Variants in TMEM135 observed in about 807,000 individuals in gnomAD.
The protein encoded by TMEM135 is peroxisomal membrane protein 52.
Under a neutral mutation model 60.3 loss-of-function variants are expected in TMEM135, and 30 were observed. The observed-to-expected ratio is 0.50, with a 90% CI of 0.37 to 0.68. The LOEUF is 0.68. Ranked by LOEUF, TMEM135 falls within the 30% of genes least tolerant of loss-of-function variation. TMEM135 has a pLI of 0.00. For synonymous variants in TMEM135, 190 were observed against 186.7 expected (o/e 1.02, Z -0.14); for missense variants, 468 against 548.8 (o/e 0.85, Z 1.47).
At chr11:87,274,677 T>C (rs1941934074) in intron 6 of TMEM135, among the ~76,000 whole-genome samples, 1 of 151,972 alleles carries the variant, frequency 6.6e-6, no homozygotes, top group Admixed American at 6.6e-5. Context: ...AAATATCATT[T>C]GAGCCAGGTG....
chr11:87,191,987 C>CTTTTTTTTTTTTTTTTTTTTTTTCTT (rs200969171), intron 5 of TMEM135, among the ~76,000 whole-genome samples: 1 of 77,188 alleles, frequency 1.3e-5, no homozygotes, highest in Admixed American at 1.7e-4. Context: ...CTTTTCTTTT[C>CTTTTTTTTTTTTTTTTTTTTTTTCTT]TTTTTTTTTT....
chr11:87,243,826 A>G (rs1220872565), intron 6 of TMEM135, among the ~76,000 whole-genome samples: 1 of 81,670 alleles, frequency 1.2e-5, no homozygotes, highest in East Asian at 2.2e-4. Flanking sequence ...TCTTTTCCTA[A>G]TTGAATACCC....
At chr11:87,148,001 C>T (rs1271217170) in intron 4 of TMEM135, among the ~76,000 whole-genome samples, 1 of 152,130 alleles carries the variant, frequency 6.6e-6, no homozygotes, top group African/African-American at 2.4e-5. Flanking sequence ...TGAGATCTGC[C>T]CGCTTCAGTC....
intron 4 of TMEM135, among the ~76,000 whole-genome samples, chr11:87,131,207 T>C (rs984326804): frequency 2.6e-5 from 4 of 152,236 alleles, no homozygotes; most frequent in Non-Finnish European, 4.4e-5. Context: ...TATTGATGCC[T>C]TATTATTAAT....
chr11:87,211,119 C>G lies in TMEM135; in HGVS notation c.463-25519C>G, dbSNP rs559220602. Reference sequence around the variant, plus strand: ...GATACCTACTCTTACCGCTCCTATTCAATGTACTTCGATTTTATAAATTTA... The same window carrying G: ...GATACCTACTCTTACCGCTCCTATTGAATGTACTTCGATTTTATAAATTTA... On this transcript the variant is annotated intron_variant, in intron 5 of 14. Transcript: ENST00000305494. Among the ~76,000 whole-genome samples the G allele has an allele frequency of 2.2e-4, 33 of 152,234 alleles. No individual in the cohort carries two copies. The East Asian group carries it at 6.2e-3, about 29-fold the overall frequency.
chr11:87,085,291 G>A (rs1704003308), intron 3 of TMEM135, among the ~76,000 whole-genome samples: 1 of 152,188 alleles, frequency 6.6e-6, no homozygotes, highest in Non-Finnish European at 1.5e-5. Context: ...TTAAGGAGGT[G>A]ATTTGGGGAA....
chr11:87,172,756 G>A (rs151084669), intron 5 of TMEM135, among the ~76,000 whole-genome samples: 2 of 151,898 alleles, frequency 1.3e-5, no homozygotes, highest in East Asian at 3.9e-4. Context: ...TTATGGATTT[G>A]TATGGATAAT....
At chr11:87,041,740 A>G (rs1220122526) in intron 1 of TMEM135, among the ~76,000 whole-genome samples, 2 of 152,220 alleles carry the variant, frequency 1.3e-5, no homozygotes, top group East Asian at 3.8e-4. Flanking sequence ...ATATGTCTAA[A>G]TGAGTGAAGG....
At chr11:87,124,811 C>T (rs1341446763) in intron 4 of TMEM135, among the ~76,000 whole-genome samples, 1 of 151,988 alleles carries the variant, frequency 6.6e-6, no homozygotes, top group African/African-American at 2.4e-5. Context: ...CTCCTTTTTC[C>T]CCTCTATGCC....
rs376352354 is a variant in TMEM135, at chr11:87,251,775, G to A, written c.509+15091G>A. Among the ~76,000 whole-genome samples, 5 of 152,260 alleles carry A rather than the reference G, an allele frequency of 3.3e-5. No individual in the cohort carries two copies. The East Asian group carries it at 5.8e-4, about 18-fold the overall frequency. ...GTGAGAAAAAACACTGAACTAAAAC[G>A]CGTGAGCACCTAGAACAGTGACTGA... On this transcript the variant is annotated intron_variant, in intron 6 of 14. Transcript: ENST00000305494.
At chr11:87,229,346 G>A (rs1488709870) in intron 5 of TMEM135, among the ~76,000 whole-genome samples, 1 of 151,936 alleles carries the variant, frequency 6.6e-6, no homozygotes, top group Non-Finnish European at 1.5e-5. Context: ...ACAAACAAAA[G>A]GATTATAAAC....
intron 5 of TMEM135, among the ~76,000 whole-genome samples, chr11:87,210,767 C>T (rs1940350664): frequency 6.6e-6 from 1 of 152,040 alleles, no homozygotes; most frequent in Non-Finnish European, 1.5e-5. Flanking sequence ...ACTAGTAAAA[C>T]GAATCCAGCA....
At chr11:87,221,009 T>TA (rs568253133) in intron 5 of TMEM135, among the ~76,000 whole-genome samples, 131 of 152,066 alleles carry the variant, frequency 8.6e-4, no homozygotes, top group Admixed American at 2.7e-3. Flanking sequence ...CTATTGCTAC[T>TA]AAAAAAAAGA....
At chr11:87,074,676 G>T (rs968419611) in intron 3 of TMEM135, among the ~76,000 whole-genome samples, 1 of 152,084 alleles carries the variant, frequency 6.6e-6, no homozygotes, top group African/African-American at 2.4e-5. Flanking sequence ...GTGAATGTGT[G>T]TTTTTTCTAT....
intron 5 of TMEM135, among the ~76,000 whole-genome samples, chr11:87,222,575 G>GGGCGGATCACCTGAGGTC: frequency 6.6e-6 from 1 of 151,614 alleles, no homozygotes; most frequent in African/African-American, 2.4e-5. Context: ...AGGCTGAGGC[G>GGGCGGATCACCTGAGGTC]GGCGGATCAC....
rs1313436501 is a variant in TMEM135, at chr11:87,192,007, G to A, written c.462+34601G>A. Among the ~76,000 whole-genome samples the A allele has an allele frequency of 8.5e-5, 3 of 35,184 alleles. No homozygotes were observed. In the Admixed American group the frequency reaches 1.3e-3, roughly 15 times the overall value. The allele number at this position is 35,184 out of a possible 152,430, so 23.1% of individuals were successfully genotyped here. On this transcript the variant is annotated intron_variant, in intron 5 of 14. Coordinates refer to ENST00000305494, the MANE Select transcript of TMEM135 (RefSeq NM_022918.4). ...CTTTTCTTTTTTTTTTTTTTTTTTC[G>A]AGATGGAGTCTTGCTCCAGGCTGGA...
At chr11:87,247,871 A>G (rs1381812434) in intron 6 of TMEM135, among the ~76,000 whole-genome samples, 1 of 151,790 alleles carries the variant, frequency 6.6e-6, no homozygotes, top group Non-Finnish European at 1.5e-5. Context: ...ACTGTACTGC[A>G]CCCACTCTCT....
In TMEM135 at chr11:87,164,565, A is replaced by G. The variant is rs1434434372; in HGVS notation, c.462+7159A>G. 2.5e-5 allele frequency among the ~76,000 whole-genome samples: 2 copies of G among 79,540 alleles called. 1 individual carries two copies. The highest frequency in any genetic ancestry group is 4.5e-5 in the Non-Finnish European group (2 of 44,776). The allele number at this position is 79,540 out of a possible 152,430, so 52.2% of individuals were successfully genotyped here. On this transcript the variant is annotated intron_variant, in intron 5 of 14. Coordinates refer to ENST00000305494, the MANE Select transcript of TMEM135 (RefSeq NM_022918.4). ...ATGAACTTTAAAGTAGTTTTTTCCA[A>G]TTCTGTGAAGAAAGGCATTGGTAGC...
intron 3 of TMEM135, among the ~76,000 whole-genome samples, chr11:87,072,729 T>C (rs1056328227): frequency 6.6e-6 from 1 of 152,182 alleles, no homozygotes; most frequent in African/African-American, 2.4e-5. Flanking sequence ...TTTATTGTTA[T>C]CAGCCTGAAA....
Sources: gnomAD v4.1 joint callset for allele counts (sites outside exome capture counted in the v4.1 genomes callset) on GRCh38, gnomAD v4.1.1 for gene constraint, MANE v1.5 for transcripts, NCBI Gene and HGNC (gene_info 2026-07-23, HGNC 2026-07-21) for gene names.